The following EMC7 variants were observed in gnomAD, a reference collection of about 807,000 sequenced individuals.
EMC7 encodes the protein ER membrane protein complex subunit 7.
Under a neutral mutation model 24.4 loss-of-function variants are expected in EMC7, and 4 were observed. The ratio of observed to expected loss-of-function variants is 0.16; its 90% CI spans 0.08 to 0.38. The LOEUF (loss-of-function observed/expected upper bound fraction) is 0.38. EMC7 is among the 10% of genes least tolerant of loss of function. EMC7 has a pLI of 1.00. For synonymous variants in EMC7, 106 were observed against 112.0 expected, an observed-to-expected ratio of 0.95 and a Z score of 0.34; for missense variants, 221 against 300.6, an observed-to-expected ratio of 0.74 and a Z score of 1.96.
intron 2 of EMC7, among the ~76,000 whole-genome samples, chr15:34,095,671 C>T (rs1901053509): frequency 6.6e-6 from 1 of 152,074 alleles, no homozygotes; most frequent in African/African-American, 2.4e-5. Flanking sequence ...TTTATGTAAT[C>T]ATATTAGGAG....
rs372705857 is a variant in EMC7 at position 34,088,148 on chromosome 15, A to T, written c.496-15T>A. The T allele has an allele frequency of 9.4e-6, 15 of 1,595,714 alleles. No homozygotes were observed. Among genetic ancestry groups the T allele is most frequent in the Non-Finnish European group, 1.3e-5 (15 of 1,173,908 alleles). ...ATCATCATAACCTGCAGAAAAAAAA[A>T]ATCCAGAAAATGTTTTTCCCCCACT... On this transcript the variant is annotated splice_polypyrimidine_tract_variant and intron_variant, in intron 3 of 4. Coordinates refer to ENST00000256545, the MANE Select transcript of EMC7 (RefSeq NM_020154.3).
rs373020339 is a variant in EMC7 at position 34,088,042 on chromosome 15, C to A, written c.576+11G>T. ...AAAAAAAAAAAATCCATAGCTGGAC[C>A]ATCATCTTACCCGTCTCATGTCAGG... On this transcript the variant is annotated intron_variant, in intron 4 of 4. Transcript: ENST00000256545. 16 of 1,597,862 alleles carry A rather than the reference C, an allele frequency of 1.0e-5. No individual in the cohort carries two copies. The highest frequency in any genetic ancestry group is 2.7e-5 in the African/African-American group (2 of 73,538).
intron 1 of EMC7, chr15:34,101,062 A>G (rs891055726): frequency 4.3e-3 from 19 of 4,434 alleles, no homozygotes; most frequent in African/African-American, 4.5e-3. Context: ...AAAAAAAAAG[A>G]AAAAAAAAGT....
chr15:34,095,260 T>C (rs1010548102), intron 2 of EMC7, among the ~76,000 whole-genome samples: 13 of 152,346 alleles, frequency 8.5e-5, no homozygotes, highest in Non-Finnish European at 1.9e-4. Context: ...GCTATTGCCA[T>C]GAGACAACAA....
Position 34,084,132 on chromosome 15 carries a change from A to G in EMC7, c.*202T>C. On this transcript the variant is annotated 3_prime_UTR_variant, in exon 5 of 5. Coordinates refer to ENST00000256545, the MANE Select transcript of EMC7 (RefSeq NM_020154.3). ...AATTAATTCAGTGACATCAATATTG[A>G]CCTCATACAGACAAAAGATGAAAGC... The G allele has an allele frequency of 1.8e-6, 1 of 544,380 alleles. No homozygotes were observed. The highest frequency in any genetic ancestry group is 3.2e-5 in the South Asian group (1 of 31,062). 33.7% of individuals were successfully genotyped at this position (544,380 alleles called of 1,614,324 possible).
At chr15:34,100,487 T>C (rs1901156562) in intron 1 of EMC7, 2 of 152,264 alleles carry the variant, frequency 1.3e-5, no homozygotes, top group Non-Finnish European at 2.9e-5. Flanking sequence ...GGCTTATTCC[T>C]AAAGCTTAAT....
chr15:34,088,596 G>A (rs1418584422), intron 3 of EMC7, among the ~76,000 whole-genome samples: 1 of 151,350 alleles, frequency 6.6e-6, no homozygotes, highest in Non-Finnish European at 1.5e-5. Flanking sequence ...TTTGAAAAAT[G>A]ACCTAGAAGC....
At chr15:34,086,213 G>A (rs2140866319) in intron 4 of EMC7, 1 of 368,242 alleles carries the variant, frequency 2.7e-6, no homozygotes, top group African/African-American at 2.2e-5. Flanking sequence ...GTTTCTGCCA[G>A]TTAAGCTAAA....
In EMC7 at chr15:34,090,320, T is replaced by C. The variant is rs1900957366; in HGVS notation, c.492A>G (p.Pro164=). The C allele has an allele frequency of 6.2e-7, 1 of 1,612,886 alleles. No individual in the cohort carries two copies. ...TTTATTTTAGCCTGATACATACCAT[T>C]GGGTTCATTAGAAAGTCTGTCCAGC... is the stretch of plus-strand genomic sequence containing the variant. ...SWGWTDFLMN[P]MVMMMVLPLL... is the part of the protein sequence containing the mutation. The change falls in exon 3 of 5, where the codon CCA becomes CCG. Residue 164 remains proline, a synonymous_variant. Transcript: ENST00000256545.
intron 1 of EMC7, among the ~76,000 whole-genome samples, 199 bp from the exon 2 acceptor site, chr15:34,096,213 C>G (rs777014127): frequency 1.3e-5 from 2 of 152,242 alleles, no homozygotes; most frequent in Non-Finnish European, 2.9e-5. Flanking sequence ...CTGCGACGCT[C>G]AGGGTGGAGT....
chr15:34,085,061 T>C (rs1402037994), intron 4 of EMC7, among the ~76,000 whole-genome samples: 1 of 152,206 alleles, frequency 6.6e-6, no homozygotes, highest in East Asian at 1.9e-4. Flanking sequence ...AATGAGTACA[T>C]TTTTAAGTTC....
Position 34,084,329 on chromosome 15 carries a change from CCTGA to C in EMC7, c.*1_*4del. The C allele has an allele frequency of 6.2e-7, 1 of 1,612,114 alleles. No individual in the cohort carries two copies. Among genetic ancestry groups the C allele is most frequent in the Non-Finnish European group, 8.5e-7 (1 of 1,178,570 alleles). The stretch of plus-strand genomic sequence containing the variant: ...TTGTGCAAATGCCAGCTCTGGACGG[CCTGA>C]CTACCTCCTTTTGCCAGCCCCACTT... On this transcript the variant is annotated 3_prime_UTR_variant, in exon 5 of 5. Coordinates refer to ENST00000256545, the MANE Select transcript of EMC7 (RefSeq NM_020154.3).
At chr15:34,092,299 T>C (rs1041581871) in intron 2 of EMC7, among the ~76,000 whole-genome samples, 13 of 39,088 alleles carry the variant, frequency 3.3e-4, no homozygotes, top group Non-Finnish European at 7.5e-4. Context: ...ACACAAAGAA[T>C]TAGGATCTTA....
intron 3 of EMC7, among the ~76,000 whole-genome samples, chr15:34,089,988 T>C (rs1900953866): frequency 6.6e-6 from 1 of 152,030 alleles, no homozygotes; most frequent in African/African-American, 2.4e-5. Flanking sequence ...AAACAAAAAA[T>C]ACGCAGGTAG....
At chr15:34,093,187 C>T (rs1901005605) in intron 2 of EMC7, among the ~76,000 whole-genome samples, 1 of 152,118 alleles carries the variant, frequency 6.6e-6, no homozygotes, top group Non-Finnish European at 1.5e-5. Flanking sequence ...CACCTGTAAT[C>T]CCAGTACTTT....
At chr15:34,095,491 T>C (rs999167986) in intron 2 of EMC7, among the ~76,000 whole-genome samples, 5 of 152,164 alleles carry the variant, frequency 3.3e-5, no homozygotes, top group Admixed American at 2.0e-4. Flanking sequence ...TCCAGATCAA[T>C]GAAGTATCAA....
chr15:34,097,757 G>A (rs1331491238), intron 1 of EMC7, among the ~76,000 whole-genome samples: 1 of 151,954 alleles, frequency 6.6e-6, no homozygotes, highest in African/African-American at 2.4e-5. Context: ...TTACTAAAAA[G>A]CAAGATGACG....
intron 2 of EMC7, among the ~76,000 whole-genome samples, chr15:34,090,755 C>A (rs994580145): frequency 6.6e-6 from 1 of 152,148 alleles, no homozygotes; most frequent in Non-Finnish European, 1.5e-5. Flanking sequence ...GTCAAAAGTT[C>A]TTTTAGAATC....
rs375005510 is a variant in EMC7 at position 34,092,261 on chromosome 15, T to TCACACACACACACACACACACACACACA, written c.357-1834_357-1807dup. 2.8e-5 allele frequency among the ~76,000 whole-genome samples: 4 copies of TCACACACACACACACACACACACACACA among 141,562 alleles called. No homozygotes were observed. The East Asian group carries it at 6.3e-4, about 22-fold the overall frequency. The allele number at this position is 141,562 out of a possible 152,430, so 92.9% of individuals were successfully genotyped here. On this transcript the variant is annotated intron_variant, in intron 2 of 4. Coordinates refer to ENST00000256545, the MANE Select transcript of EMC7 (RefSeq NM_020154.3). ...GCCTGGGTGACAGAGTGAGACTCCG[T>TCACACACACACACACACACACACACACA]CACACACACACACACACACACACAC...
Sources: gnomAD v4.1 joint callset for allele counts (sites outside exome capture counted in the v4.1 genomes callset) on GRCh38, gnomAD v4.1.1 for gene constraint, MANE v1.5 for transcripts, NCBI Gene and HGNC (gene_info 2026-07-23, HGNC 2026-07-21) for gene names.